Variants in TTC28 observed in about 807,000 individuals in gnomAD.
The protein encoded by TTC28 is tetratricopeptide repeat domain 28.
TTC28 carries 61 observed loss-of-function variants against 198.0 expected under a neutral mutation model. The observed-to-expected ratio is 0.31, with a 90% CI of 0.25 to 0.38. TTC28 has a LOEUF of 0.38. Among genes scored for constraint, TTC28 ranks in the 10% least tolerant of loss-of-function variants. TTC28 has a pLI of 1.00. For synonymous variants in TTC28, 1,171 were observed against 1,297.8 expected (o/e 0.90, Z 2.10); for missense variants, 2,678 against 3,164.0 (o/e 0.85, Z 3.69).
At chr22:28,198,456 T>C (rs1047544265) in intron 5 of TTC28, among the ~76,000 whole-genome samples, 2 of 152,142 alleles carry the variant, frequency 1.3e-5, no homozygotes, top group African/African-American at 4.8e-5. Context: ...AAATGTTAAA[T>C]GCTCACTAAT....
chr22:28,183,137 C>T (rs1172823745), intron 5 of TTC28, among the ~76,000 whole-genome samples: 2 of 151,850 alleles, frequency 1.3e-5, no homozygotes, highest in African/African-American at 2.4e-5. Flanking sequence ...TAACTCACTG[C>T]AGCCTCGAAC....
chr22:27,983,994 C>G (rs1937117106), intron 22 of TTC28, 143 bp from the exon 23 acceptor site: 4 of 961,386 alleles, frequency 4.2e-6, no homozygotes, highest in Non-Finnish European at 6.0e-6. Flanking sequence ...TTACAATCCT[C>G]AAAAACATGG....
chr22:28,679,064 TC>T (rs2052047529), intron 1 of TTC28, among the ~76,000 whole-genome samples: 2 of 152,076 alleles, frequency 1.3e-5, no homozygotes, highest in African/African-American at 4.8e-5. Context: ...TCAGCATCCT[TC>T]CCCCTGACTA....
chr22:28,412,297 A>G (rs1377346394), intron 2 of TTC28, among the ~76,000 whole-genome samples: 1 of 152,116 alleles, frequency 6.6e-6, no homozygotes, highest in Non-Finnish European at 1.5e-5. Flanking sequence ...CCTTCTCCAG[A>G]ACAGCTCCTT....
intron 6 of TTC28, among the ~76,000 whole-genome samples, chr22:28,138,528 C>T (rs1334002959): frequency 6.6e-6 from 1 of 152,200 alleles, no homozygotes; most frequent in African/African-American, 2.4e-5. Context: ...CCTATTCTGG[C>T]AGAAGCCCAT....
intron 13 of TTC28, among the ~76,000 whole-genome samples, chr22:28,017,186 G>A (rs1938410016): frequency 6.6e-6 from 1 of 152,246 alleles, no homozygotes; most frequent in Non-Finnish European, 1.5e-5. Context: ...GACAGGCCTG[G>A]GGCAGGAGGG....
chr22:28,257,625 A>G (rs1931021642), intron 5 of TTC28, among the ~76,000 whole-genome samples: 1 of 151,252 alleles, frequency 6.6e-6, no homozygotes, highest in East Asian at 1.9e-4. Flanking sequence ...AAAGGAGAAA[A>G]GGAGGATGAA....
At chr22:28,009,303 A>G (rs138664) in intron 14 of TTC28, among the ~76,000 whole-genome samples, 12,123 of 152,290 alleles carry the variant, frequency 0.08, 512 homozygotes, top group South Asian at 0.091. Flanking sequence ...TCCCTTAGCA[A>G]TAGGACTGCG....
intron 2 of TTC28, among the ~76,000 whole-genome samples, chr22:28,485,608 G>A (rs892486453): frequency 9.2e-5 from 14 of 152,046 alleles, no homozygotes; most frequent in African/African-American, 3.4e-4. Flanking sequence ...GTGATTCCTT[G>A]CTGGGTCTGT....
At chr22:28,132,338 G>A (rs1943080603) in intron 6 of TTC28, among the ~76,000 whole-genome samples, 2 of 152,214 alleles carry the variant, frequency 1.3e-5, no homozygotes, top group South Asian at 2.1e-4. Flanking sequence ...CAGTCATCCA[G>A]CAGTCTGAAT....
chr22:28,079,929 G>C (rs1941287877), intron 12 of TTC28, among the ~76,000 whole-genome samples: 1 of 152,116 alleles, frequency 6.6e-6, no homozygotes, highest in Non-Finnish European at 1.5e-5. Context: ...GGGTCTCACT[G>C]TGTTGCCCAG....
In TTC28 at chr22:28,163,362, G is replaced by C. The variant is rs1327927923; in HGVS notation, c.1171C>G (p.Arg391Gly). The change falls in exon 6 of 23, where the codon CGA (arginine) becomes GGA (glycine). Residue 391 changes from arginine (R) to glycine (G), a missense_variant. Coordinates refer to ENST00000397906, the MANE Select transcript of TTC28 (RefSeq NM_001145418.2). ...LKIAKDLGNK[R>G]EEARAYSNLG... ...TTGCTATAAGCCCGGGCCTCTTCTC[G>C]CTTGTTCCCCAGGTCCTTGGCTATC... 2 of 1,551,906 alleles carry C rather than the reference G, an allele frequency of 1.3e-6. No individual in the cohort carries two copies. The highest frequency in any genetic ancestry group is 1.4e-5 in the African/African-American group (1 of 73,026).
chr22:28,198,696 T>C (rs1043290188), intron 5 of TTC28, among the ~76,000 whole-genome samples: 4 of 152,046 alleles, frequency 2.6e-5, no homozygotes, highest in African/African-American at 4.8e-5. Flanking sequence ...AGGCTGGAGA[T>C]AGGGCCCGGT....
intron 2 of TTC28, among the ~76,000 whole-genome samples, chr22:28,415,914 A>C (rs1387427313): frequency 2.0e-5 from 3 of 152,244 alleles, no homozygotes; most frequent in Admixed American, 6.5e-5. Context: ...AATTTTTAAA[A>C]TACTAAATGT....
chr22:28,248,559 A>C (rs890922738), intron 5 of TTC28, among the ~76,000 whole-genome samples: 11 of 152,180 alleles, frequency 7.2e-5, no homozygotes, highest in Non-Finnish European at 2.9e-5. Context: ...TCAATAGTTA[A>C]GAAAGAGGAG....
chr22:28,451,417 G>A (rs764886725), intron 2 of TTC28, among the ~76,000 whole-genome samples: 3 of 152,168 alleles, frequency 2.0e-5, no homozygotes, highest in Non-Finnish European at 4.4e-5. Flanking sequence ...AAAATGTCCA[G>A]CATTCAGTCA....
intron 2 of TTC28, among the ~76,000 whole-genome samples, chr22:28,440,874 T>C (rs1490405632): frequency 1.3e-5 from 2 of 152,220 alleles, no homozygotes; most frequent in Non-Finnish European, 2.9e-5. Flanking sequence ...GGAGCTCCTA[T>C]TTCCAATGTA....
At chr22:28,330,548 C>A (rs1373030709) in intron 2 of TTC28, among the ~76,000 whole-genome samples, 1 of 152,170 alleles carries the variant, frequency 6.6e-6, no homozygotes, top group Non-Finnish European at 1.5e-5. Flanking sequence ...GTCATTTAAG[C>A]TCTCTTTCTA....
intron 5 of TTC28, among the ~76,000 whole-genome samples, chr22:28,217,921 TA>T (rs1210005092): frequency 6.6e-6 from 1 of 152,230 alleles, no homozygotes; most frequent in African/African-American, 2.4e-5. Context: ...TTACACTTTT[TA>T]AAATCCTTAA....
Sources: allele counts gnomAD v4.1 joint callset (sites outside exome capture counted in the v4.1 genomes callset), GRCh38; gene constraint gnomAD v4.1.1; transcripts MANE v1.5; gene names NCBI Gene and HGNC (gene_info 2026-07-23, HGNC 2026-07-21).